The following TEKT1 variants were observed in gnomAD, a reference collection of about 807,000 sequenced individuals.
TEKT1 encodes the protein tektin-1.
TEKT1 carries 32 observed loss-of-function variants against 34.8 expected under a neutral mutation model. That is an observed-to-expected ratio of 0.92 (90% CI 0.69 to 1.23). The LOEUF (loss-of-function observed/expected upper bound fraction) is 1.23. TEKT1 is among the 50% of genes most tolerant of loss of function. The probability of loss-of-function intolerance (pLI) is 0.00; values close to 1 mark genes in which losing one functional copy is unlikely to be tolerated. For missense variants in TEKT1, 492 were observed against 518.5 expected (o/e 0.95, Z 0.50); for synonymous variants, 207 against 199.8 (o/e 1.04, Z -0.30).
chr17:6,830,451 A>C (rs1007240873), intron 1 of TEKT1, 58 bp from the exon 2 acceptor site: 46 of 1,186,410 alleles, frequency 3.9e-5, no homozygotes, highest in Non-Finnish European at 4.8e-5. Context: ...TTTTTATGAT[A>C]ATTTTTATTC....
chr17:6,819,119 A>T, intron 3 of TEKT1, 74 bp downstream of exon 3: 1 of 1,538,424 alleles, frequency 6.5e-7, no homozygotes, highest in East Asian at 2.3e-5. Flanking sequence ...TCACCATCGC[A>T]CACAGCCGGC....
chr17:6,816,070 C>T (rs1977004113), intron 3 of TEKT1, 108 bp from the exon 4 acceptor site: 1 of 1,450,582 alleles, frequency 6.9e-7, no homozygotes, highest in Non-Finnish European at 9.3e-7. Flanking sequence ...ATTTGAGTGT[C>T]ACCCGATCCA....
chr17:6,818,651 A>T (rs1461493743), intron 3 of TEKT1, among the ~76,000 whole-genome samples: 10 of 152,186 alleles, frequency 6.6e-5, no homozygotes, highest in Admixed American at 2.6e-4. Context: ...TGGTGTGGCC[A>T]TGTGATTAAG....
rs2271234 is a variant in TEKT1 at position 6,800,872 on chromosome 17, C to T, written c.924G>A (p.Gly308=). The change falls in exon 7 of 8, where the codon GGG becomes GGA. Residue 308 remains glycine, a synonymous_variant. Transcript: ENST00000338694. ...ALEKAILDQE[G]PAKVAHTRLE... is the part of the protein sequence containing the mutation. ...AGCGCGTATGAGCCACCTTGGCTGG[C>T]CCTTCTTGGTCAAGGATGGCCTTTT... The T allele has an allele frequency of 9.1e-5, 147 of 1,614,158 alleles. 2 individuals carry two copies. The East Asian group carries it at 3.1e-3, about 34-fold the overall frequency.
At position 6,815,845 on chromosome 17, in the gene TEKT1, G is replaced by A. The variant is rs773223190; in HGVS notation, c.474C>T (p.Ser158=). 15 of 1,614,038 alleles carry A rather than the reference G, an allele frequency of 9.3e-6. No homozygotes were observed. Among genetic ancestry groups the A allele is most frequent in the African/African-American group, 1.3e-5 (1 of 74,922 alleles). Residue 158 remains serine, a synonymous_variant, in exon 4 of 8, where the codon TCC becomes TCT. Transcript: ENST00000338694. ...CCGAAGAGTCATACCGAATCTGCTCGGAAGCCTCCTCCAAGGTACGGGTCA... is the reference window on the plus strand; with the variant it reads ...CCGAAGAGTCATACCGAATCTGCTCAGAAGCCTCCTCCAAGGTACGGGTCA... ...ALLTRTLEEA[S]EQIRMNRSAK... is the part of the protein sequence containing the mutation.
At chr17:6,807,717 G>A (rs1047323294) in intron 6 of TEKT1, among the ~76,000 whole-genome samples, 1 of 152,202 alleles carries the variant, frequency 6.6e-6, no homozygotes, top group Admixed American at 6.5e-5. Flanking sequence ...TTCTGTTGGA[G>A]TTTGCTGGAG....
intron 2 of TEKT1, among the ~76,000 whole-genome samples, chr17:6,828,047 C>T (rs142574199): frequency 2.0e-5 from 3 of 152,136 alleles, no homozygotes; most frequent in South Asian, 2.1e-4. Context: ...TTGGTTCAAG[C>T]GATTCTCCTG....
intron 3 of TEKT1, among the ~76,000 whole-genome samples, chr17:6,818,767 C>T (rs1053379322): frequency 2.0e-5 from 3 of 152,106 alleles, no homozygotes; most frequent in Admixed American, 2.0e-4. Flanking sequence ...CAACTTAAAC[C>T]ACAAGGTAAC....
intron 6 of TEKT1, among the ~76,000 whole-genome samples, chr17:6,802,061 C>T (rs1318078715): frequency 1.3e-5 from 2 of 152,154 alleles, no homozygotes; most frequent in Non-Finnish European, 2.9e-5. Context: ...GACAAAACCA[C>T]AATACCTTTA....
rs996984986 is a variant in TEKT1 at position 6,815,237 on chromosome 17, A to G, written c.555T>C (p.Asp185=). 2 of 1,614,256 alleles carry G rather than the reference A, an allele frequency of 1.2e-6. No homozygotes were observed. Among genetic ancestry groups the G allele is most frequent in the South Asian group, 1.1e-5 (1 of 91,084 alleles). Residue 185 remains aspartate (D), a synonymous_variant, in exon 5 of 8, where the codon GAT becomes GAC. Transcript: ENST00000338694. ...LKDKFVALTI[D]DICFSLNNNS... is the part of the protein sequence containing the mutation. ...TGTTGTTGAGCGAGAAGCAGATATC[A>G]TCTATGGTCAGGGCCACAAACTTGT...
At chr17:6,806,765 T>C (rs936266703) in intron 6 of TEKT1, among the ~76,000 whole-genome samples, 2 of 152,240 alleles carry the variant, frequency 1.3e-5, no homozygotes, top group African/African-American at 4.8e-5. Context: ...GGGTTGAAAT[T>C]TCTTTTCTTT....
In TEKT1 at chr17:6,799,945, C is replaced by T. The variant is rs899155430; in HGVS notation, c.*82G>A. The T allele has an allele frequency of 5.0e-6, 7 of 1,392,594 alleles. No individual in the cohort carries two copies. Among genetic ancestry groups the T allele is most frequent in the South Asian group, 2.9e-5 (2 of 69,044 alleles). 86.3% of individuals were successfully genotyped at this position (1,392,594 alleles called of 1,614,324 possible). A position where few individuals can be genotyped will look rare whatever the true frequency, so the allele number is the denominator to read the frequency against. On this transcript the variant is annotated 3_prime_UTR_variant, in exon 8 of 8. Transcript: ENST00000338694. ...GTTGCAGCAGGCTGGCTAGAGGCCCCGCCAGCCTGAAATGAGAGCTCTGTA... is the reference window on the plus strand; with the variant it reads ...GTTGCAGCAGGCTGGCTAGAGGCCCTGCCAGCCTGAAATGAGAGCTCTGTA...
chr17:6,816,101 C>A, intron 3 of TEKT1, 139 bp from the exon 4 acceptor site: 1 of 1,215,672 alleles, frequency 8.2e-7, no homozygotes, highest in Non-Finnish European at 1.1e-6. Context: ...CAGTGGGTGA[C>A]AGATATTAGT....
Position 6,815,821 on chromosome 17 carries a change from C to T in TEKT1, c.485+13G>A, listed in dbSNP as rs538282732. 59 of 1,613,654 alleles carry T rather than the reference C, an allele frequency of 3.7e-5. No homozygotes were observed. The highest frequency in any genetic ancestry group is 4.8e-5 in the Non-Finnish European group (57 of 1,179,850). On this transcript the variant is annotated intron_variant, in intron 4 of 7. Coordinates refer to ENST00000338694, the MANE Select transcript of TEKT1 (RefSeq NM_053285.2). ...CCCAGTGGAGATTTGGAGGGCAGGC[C>T]GAAGAGTCATACCGAATCTGCTCGG...
Position 6,820,194 on chromosome 17 carries a change from A to G in TEKT1, c.191-836T>C, listed in dbSNP as rs1160171024. On this transcript the variant is annotated intron_variant, in intron 2 of 7. Coordinates refer to ENST00000338694, the MANE Select transcript of TEKT1 (RefSeq NM_053285.2). Reference sequence around the variant, plus strand: ...TTATTTACATTTTGTAAATATATAAATGTTATTTACACCTGAGCCCTATCA... The same window carrying G: ...TTATTTACATTTTGTAAATATATAAGTGTTATTTACACCTGAGCCCTATCA... Among the ~76,000 whole-genome samples the G allele has an allele frequency of 2.6e-5, 4 of 152,144 alleles. No homozygotes were observed. In the East Asian group the frequency reaches 7.7e-4, roughly 29 times the overall value.
intron 6 of TEKT1, 61 bp downstream of exon 6, chr17:6,812,770 G>GTT: frequency 6.5e-7 from 1 of 1,547,520 alleles, no homozygotes; most frequent in Non-Finnish European, 8.8e-7. Flanking sequence ...GGGCATTCTT[G>GTT]TTTTCCATGG....
At chr17:6,805,717 G>A (rs1218766157) in intron 6 of TEKT1, among the ~76,000 whole-genome samples, 1 of 152,098 alleles carries the variant, frequency 6.6e-6, no homozygotes, top group Non-Finnish European at 1.5e-5. Context: ...TCTTCATTTT[G>A]TTATGTACCC....
chr17:6,815,503 T>TG (rs1223210601), intron 4 of TEKT1, among the ~76,000 whole-genome samples, 197 bp from the exon 5 acceptor site: 1 of 128,676 alleles, frequency 7.8e-6, no homozygotes, highest in Non-Finnish European at 1.8e-5. Flanking sequence ...AATGTGGACT[T>TG]GGAGATTCTC....
rs376522151 is a variant in TEKT1 at position 6,811,224 on chromosome 17, TATCATC to T, written c.852+1601_852+1606del. Among the ~76,000 whole-genome samples the T allele has an allele frequency of 6.6e-6, 1 of 151,876 alleles. No homozygotes were observed. The highest frequency in any genetic ancestry group is 2.1e-4 in the South Asian group (1 of 4,818). ...GGAAGTCTCTGGATTATTCCTTGGC[TATCATC>T]ATCATCATCATCATCATCAATCAAC... On this transcript the variant is annotated intron_variant, in intron 6 of 7. Transcript: ENST00000338694. The surrounding 1 kb of genome is among the most constrained non-coding windows in gnomAD (Gnocchi z 4.4).
Sources: allele counts gnomAD v4.1 joint callset (sites outside exome capture counted in the v4.1 genomes callset), GRCh38; gene constraint gnomAD v4.1.1; non-coding constraint Gnocchi (gnomAD v3.1); transcripts MANE v1.5; gene names NCBI Gene and HGNC (gene_info 2026-07-23, HGNC 2026-07-21).